The following WIPI1 variants were observed in gnomAD, a reference collection of about 807,000 sequenced individuals.
The protein encoded by WIPI1 is WD repeat domain, phosphoinositide interacting 1, also known as WD repeat domain phosphoinositide-interacting protein 1.
A neutral mutation model predicts 55.3 loss-of-function variants in WIPI1; 45 were observed. The observed-to-expected ratio is 0.81, with a 90% confidence interval of 0.64 to 1.04. The LOEUF is 1.04. Ranked by LOEUF, WIPI1 falls within the 50% of genes least tolerant of loss-of-function variation. The pLI is 0.00. For synonymous variants in WIPI1, 195 were observed against 217.6 expected (o/e 0.90, Z 0.92); for missense variants, 445 against 559.0 (o/e 0.80, Z 2.06).
chr17:68,426,254 G>GGGGGGGGGGGGGGT, intron 11 of WIPI1, 79 bp from the exon 12 acceptor site: 1 of 816,922 alleles, frequency 1.2e-6, no homozygotes, highest in Non-Finnish European at 1.9e-6. Context: ...GGGAGCGGGG[G>GGGGGGGGGGGGGGT]CTCAAATAAA....
chr17:68,439,874 C>T (rs1042506455), intron 4 of WIPI1, among the ~76,000 whole-genome samples: 2 of 152,168 alleles, frequency 1.3e-5, no homozygotes, highest in Admixed American at 6.5e-5. Context: ...TACTTCTTCC[C>T]TCTGAAAATA....
chr17:68,425,351 G>A (rs938178848), intron 12 of WIPI1, among the ~76,000 whole-genome samples: 2 of 151,104 alleles, frequency 1.3e-5, no homozygotes, highest in Non-Finnish European at 2.9e-5. Flanking sequence ...CTACAGGCAC[G>A]TGACACCACA....
intron 4 of WIPI1, 54 bp from the exon 5 acceptor site, chr17:68,436,533 C>G: frequency 6.4e-7 from 1 of 1,551,286 alleles, no homozygotes; most frequent in South Asian, 1.1e-5. Context: ...AGAGATTGCA[C>G]GGCTGGAGAG....
intron 10 of WIPI1, chr17:68,428,466 C>T (rs1307845053): frequency 4.9e-6 from 1 of 205,516 alleles, no homozygotes; most frequent in Admixed American, 5.5e-5. Flanking sequence ...CACCTGGACT[C>T]AAGCCATCCA....
rs1009841641 is a variant in WIPI1, at chr17:68,421,426, G to A, written c.*347C>T. Reference sequence around the variant, plus strand: ...ATATACAAGAAATACAATTCAAAGAGATGTTCCTATAAGTACATTTTTTAC... The same window carrying A: ...ATATACAAGAAATACAATTCAAAGAAATGTTCCTATAAGTACATTTTTTAC... On this transcript the variant is annotated 3_prime_UTR_variant, in exon 13 of 13. Coordinates refer to ENST00000262139, the MANE Select transcript of WIPI1 (RefSeq NM_017983.7). 72 of 274,882 alleles carry A rather than the reference G, an allele frequency of 2.6e-4. No homozygotes were observed. Among genetic ancestry groups the A allele is most frequent in the Non-Finnish European group, 4.3e-4 (60 of 141,010 alleles). The allele number at this position is 274,882 out of a possible 1,614,324, so 17.0% of individuals were successfully genotyped here.
At chr17:68,432,249 C>T (rs758457039) in intron 8 of WIPI1, among the ~76,000 whole-genome samples, 4 of 152,192 alleles carry the variant, frequency 2.6e-5, no homozygotes, top group South Asian at 4.1e-4. Flanking sequence ...GATGAGGGGA[C>T]GTCAGTCCCA....
At chr17:68,430,911 G>A (rs948811007) in intron 8 of WIPI1, among the ~76,000 whole-genome samples, 6 of 152,202 alleles carry the variant, frequency 3.9e-5, no homozygotes, top group Admixed American at 3.9e-4. Flanking sequence ...AGCTCGCCCT[G>A]CAGCTCAGAG....
At position 68,450,804 on chromosome 17, in the gene WIPI1, T is replaced by C. The variant is rs763821089; in HGVS notation, c.257A>G (p.Tyr86Cys). 9 of 1,614,088 alleles carry C rather than the reference T, an allele frequency of 5.6e-6. No individual in the cohort carries two copies. The highest frequency in any genetic ancestry group is 6.8e-6 in the Non-Finnish European group (8 of 1,179,918). ...GATCTCTGTGCCTTTCTTGAAGTGA[T>C]ACACGTTCATCTGCCGTGGTTTTGT... is the stretch of plus-strand genomic sequence containing the variant. ...SHTKPRQMNV[Y>C]HFKKGTEICN... Residue 86 changes from tyrosine to cysteine, a missense_variant, in exon 3 of 13, where the codon TAT (tyrosine) becomes TGT (cysteine). Transcript: ENST00000262139.
chr17:68,428,850 C>G lies in WIPI1; in HGVS notation c.1052G>C (p.Cys351Ser). 1.9e-6 allele frequency: 3 copies of G among 1,613,954 alleles called. No individual in the cohort carries two copies. The highest frequency in any genetic ancestry group is 2.5e-6 in the Non-Finnish European group (3 of 1,179,836). The change falls in exon 10 of 13, where the codon TGT becomes TCT. Residue 351 changes from cysteine to serine, a missense_variant. Coordinates refer to ENST00000262139, the MANE Select transcript of WIPI1 (RefSeq NM_017983.7). ...TCACCTGTGGGTTTTGATTAAGACACACTCTCCTCCATCCTGAGGATCCAA... is the reference window on the plus strand; with the variant it reads ...TCACCTGTGGGTTTTGATTAAGACAGACTCTCCTCCATCCTGAGGATCCAA... ...YNLDPQDGGE[C>S]VLIKTHSLLG...
At chr17:68,425,328 C>T (rs964897669) in intron 12 of WIPI1, among the ~76,000 whole-genome samples, 6 of 151,986 alleles carry the variant, frequency 3.9e-5, no homozygotes, top group South Asian at 4.2e-4. Context: ...CTCAGCGTCC[C>T]GAATAGCTGG....
chr17:68,432,242 G>A (rs1487373597), intron 8 of WIPI1, among the ~76,000 whole-genome samples: 1 of 152,128 alleles, frequency 6.6e-6, no homozygotes, highest in Non-Finnish European at 1.5e-5. Flanking sequence ...TTCTAGAGAT[G>A]AGGGGACGTC....
At chr17:68,445,304 C>G (rs2084240564) in intron 3 of WIPI1, among the ~76,000 whole-genome samples, 2 of 152,192 alleles carry the variant, frequency 1.3e-5, no homozygotes, top group Non-Finnish European at 2.9e-5. Context: ...TGCCATCTAA[C>G]AGGCTGCCTT....
intron 3 of WIPI1, among the ~76,000 whole-genome samples, chr17:68,444,839 C>T (rs2084216157): frequency 6.6e-6 from 1 of 151,654 alleles, no homozygotes; most frequent in African/African-American, 2.4e-5. Context: ...TACTTCTCTC[C>T]TTCCTTCTTC....
intron 1 of WIPI1, among the ~76,000 whole-genome samples, chr17:68,453,641 G>A (rs2084573573): frequency 6.6e-6 from 1 of 151,930 alleles, no homozygotes; most frequent in Non-Finnish European, 1.5e-5. Flanking sequence ...ACCACGCCAG[G>A]CTAATTTTTG....
rs1200230654 is a variant in WIPI1, at chr17:68,426,182, A to G, written c.1193-7T>C. 1 of 1,580,294 alleles carries G rather than the reference A, an allele frequency of 6.3e-7. No individual in the cohort carries two copies. Among genetic ancestry groups the G allele is most frequent in the Non-Finnish European group, 8.6e-7 (1 of 1,160,686 alleles). ...CCGCCGTCCTCAGAATAACCTGGAA[A>G]CCAAGAAAGAGACATGAAACAAGCA... On this transcript the variant is annotated splice_region_variant and splice_polypyrimidine_tract_variant and intron_variant, in intron 11 of 12. Transcript: ENST00000262139.
intron 1 of WIPI1, 87 bp downstream of exon 1, chr17:68,457,255 G>A (rs1194485403): frequency 1.4e-6 from 2 of 1,476,370 alleles, no homozygotes; most frequent in Non-Finnish European, 1.8e-6. Context: ...CCTCGAGGCG[G>A]AAGCCACAAG....
intron 4 of WIPI1, among the ~76,000 whole-genome samples, chr17:68,439,533 C>T (rs1313801824): frequency 1.3e-5 from 2 of 152,094 alleles, no homozygotes; most frequent in Non-Finnish European, 2.9e-5. Flanking sequence ...TGAAAATGCT[C>T]TAAAATTAAT....
rs751940817 is a variant in WIPI1, at chr17:68,450,850, G to C, written c.211C>G (p.Leu71Val). Residue 71 changes from leucine (L) to valine (V), a missense_variant, in exon 3 of 13, where the codon CTG (leucine) becomes GTG (valine). Coordinates refer to ENST00000262139, the MANE Select transcript of WIPI1 (RefSeq NM_017983.7). The part of the protein sequence containing the change: ...YIVERLFSSS[L>V]VVVVSHTKPR... ...TTTGTGTGACTGACTACCACCACCA[G>C]GCTGCTGGAGAAGAGGCGCTCCACG... The C allele has an allele frequency of 1.9e-6, 3 of 1,614,092 alleles. No individual in the cohort carries two copies. The highest frequency in any genetic ancestry group is 2.5e-6 in the Non-Finnish European group (3 of 1,180,014).
intron 1 of WIPI1, among the ~76,000 whole-genome samples, chr17:68,455,106 A>G (rs1255825733): frequency 6.6e-6 from 1 of 152,176 alleles, no homozygotes; most frequent in Non-Finnish European, 1.5e-5. Context: ...TCACATCTGT[A>G]ATCCCAGCAT....
Sources: allele counts gnomAD v4.1 joint callset (sites outside exome capture counted in the v4.1 genomes callset), GRCh38; gene constraint gnomAD v4.1.1; transcripts MANE v1.5; gene names NCBI Gene and HGNC (gene_info 2026-07-23, HGNC 2026-07-21).